EYA4: variants seen among roughly 807,000 people sequenced by gnomAD.
The protein encoded by EYA4 is EYA transcriptional coactivator and phosphatase 4.
In EYA4, 31 loss-of-function variants were observed where a neutral mutation model predicts 87.9. That is an observed-to-expected ratio of 0.35 (90% confidence interval 0.27 to 0.48). The LOEUF (loss-of-function observed/expected upper bound fraction) is 0.48. Among genes scored for constraint, EYA4 ranks in the 20% least tolerant of loss-of-function variants. EYA4 has a pLI of 0.99. For missense variants in EYA4, 678 were observed against 761.4 expected (o/e 0.89, Z 1.29); for synonymous variants, 263 against 270.6 (o/e 0.97, Z 0.28).
intron 2 of EYA4, among the ~76,000 whole-genome samples, chr6:133,381,109 G>T (rs1786181206): frequency 8.6e-6 from 1 of 115,852 alleles, no homozygotes; most frequent in African/African-American, 3.4e-5. Context: ...TCCATCTCAT[G>T]GTACTGATTA....
chr6:133,402,998 A>G (rs979910227), intron 3 of EYA4, among the ~76,000 whole-genome samples: 16 of 152,166 alleles, frequency 1.1e-4, no homozygotes, highest in African/African-American at 3.1e-4. Context: ...CGGTTTTATC[A>G]TGGGGCTAAT....
intron 2 of EYA4, among the ~76,000 whole-genome samples, chr6:133,286,283 T>A (rs1468551141): frequency 6.6e-6 from 1 of 152,224 alleles, no homozygotes; most frequent in Non-Finnish European, 1.5e-5. Flanking sequence ...TGTGAAATTT[T>A]ACTTTCTCTT....
chr6:133,525,002 C>T (rs763447959), intron 18 of EYA4, 152 bp from the exon 19 acceptor site: 1 of 1,604,598 alleles, frequency 6.2e-7, no homozygotes, highest in Non-Finnish European at 8.5e-7. Flanking sequence ...ATAAGCAGTG[C>T]ATTGTTTTTC....
chr6:133,372,192 T>TA (rs1785316768), intron 2 of EYA4, among the ~76,000 whole-genome samples: 1 of 152,158 alleles, frequency 6.6e-6, no homozygotes, highest in South Asian at 2.1e-4. Context: ...ACACAGTTAA[T>TA]GATGCTGTTT....
chr6:133,317,439 T>C (rs1047989881), intron 2 of EYA4, among the ~76,000 whole-genome samples: 4 of 152,216 alleles, frequency 2.6e-5, no homozygotes, highest in Non-Finnish European at 4.4e-5. Context: ...AACATACTTA[T>C]GATTTTATTA....
At chr6:133,284,711 A>G (rs1686249769) in intron 2 of EYA4, among the ~76,000 whole-genome samples, 1 of 152,180 alleles carries the variant, frequency 6.6e-6, no homozygotes, top group Non-Finnish European at 1.5e-5. Context: ...TTAAAACGAG[A>G]CTTGGATAGC....
intron 2 of EYA4, among the ~76,000 whole-genome samples, chr6:133,348,988 C>A (rs1262785045): frequency 6.6e-6 from 1 of 152,164 alleles, no homozygotes; most frequent in Non-Finnish European, 1.5e-5. Flanking sequence ...CTTAGTTGCA[C>A]CTTTGACATT....
At chr6:133,332,711 A>ATTTTTT (rs71003634) in intron 2 of EYA4, among the ~76,000 whole-genome samples, 1,431 of 124,636 alleles carry the variant, frequency 0.011, 28 homozygotes, top group South Asian at 0.031. Flanking sequence ...GCCCAGCTAA[A>ATTTTTT]TTTTTTTTTT....
chr6:133,269,007 C>T (rs1214728270), intron 1 of EYA4, among the ~76,000 whole-genome samples: 1 of 152,106 alleles, frequency 6.6e-6, no homozygotes, highest in Admixed American at 6.6e-5. Flanking sequence ...GCGTGTAATC[C>T]CAGCACTTTG....
chr6:133,474,020 C>G (rs1328720165), intron 11 of EYA4, among the ~76,000 whole-genome samples: 2 of 151,968 alleles, frequency 1.3e-5, no homozygotes, highest in Non-Finnish European at 2.9e-5. Flanking sequence ...AGTGGAGATA[C>G]TTCAGGGAAG....
At chr6:133,294,782 C>T (rs1344977060) in intron 2 of EYA4, among the ~76,000 whole-genome samples, 4 of 151,898 alleles carry the variant, frequency 2.6e-5, no homozygotes, top group South Asian at 4.2e-4. Flanking sequence ...GGTTTCACCA[C>T]GTTGGCCAGA....
At chr6:133,302,535 C>T (rs533608403) in intron 2 of EYA4, among the ~76,000 whole-genome samples, 2 of 152,276 alleles carry the variant, frequency 1.3e-5, no homozygotes, top group African/African-American at 4.8e-5. Context: ...TTGTTTATAG[C>T]AAACAATCCG....
intron 2 of EYA4, among the ~76,000 whole-genome samples, chr6:133,294,062 T>TATATATATATATATATAGAA (rs71003632): frequency 9.5e-6 from 1 of 105,162 alleles, no homozygotes; most frequent in Non-Finnish European, 2.1e-5. Context: ...TATATATATA[T>TATATATATATATATATAGAA]AATTCTATTC....
At chr6:133,497,685 C>CTGA (rs1797755078) in intron 13 of EYA4, among the ~76,000 whole-genome samples, 1 of 152,124 alleles carries the variant, frequency 6.6e-6, no homozygotes, top group African/African-American at 2.4e-5. Flanking sequence ...ATCATTTTAC[C>CTGA]TGATAACTTG....
In EYA4 at chr6:133,528,727, C is replaced by T. The variant is rs768961648; in HGVS notation, c.1842C>T (p.His614=). 1 of 1,611,254 alleles carries T rather than the reference C, an allele frequency of 6.2e-7. No homozygotes were observed. Among genetic ancestry groups the T allele is most frequent in the Non-Finnish European group, 8.5e-7 (1 of 1,177,570 alleles). ...CCCTCCTTCTCCTAACCACACAGCA[C>T]AACATGCCCTTCTGGAGGATATCCA... The part of the protein sequence containing the change: ...GVEEEQAAKK[H]NMPFWRISSH... The change falls in exon 20 of 20, where the codon CAC becomes CAT. Residue 614 remains histidine (H), a splice_region_variant and synonymous_variant. Coordinates refer to ENST00000355286, the MANE Select transcript of EYA4 (RefSeq NM_004100.5).
intron 2 of EYA4, among the ~76,000 whole-genome samples, chr6:133,304,062 A>C (rs1370949638): frequency 6.6e-6 from 1 of 152,148 alleles, no homozygotes; most frequent in African/African-American, 2.4e-5. Flanking sequence ...GAATGGATAG[A>C]TATTCCACTT....
intron 2 of EYA4, among the ~76,000 whole-genome samples, chr6:133,381,195 A>T (rs1399444592): frequency 1.4e-5 from 2 of 147,950 alleles, no homozygotes; most frequent in Non-Finnish European, 3.0e-5. Flanking sequence ...TTATTTTCAT[A>T]TTGTGTAAGT....
At chr6:133,427,059 A>C (rs779245066) in intron 3 of EYA4, among the ~76,000 whole-genome samples, 43 of 152,382 alleles carry the variant, frequency 2.8e-4, no homozygotes, top group East Asian at 1.9e-4. Flanking sequence ...AGGAAAGCCA[A>C]GGGCTGAGAC....
At chr6:133,387,026 AG>A (rs751570590) in intron 3 of EYA4, among the ~76,000 whole-genome samples, 44 of 152,316 alleles carry the variant, frequency 2.9e-4, no homozygotes, top group Non-Finnish European at 5.9e-4. Context: ...AATTATTAAG[AG>A]AAAGGCAAAA....
Sources: gnomAD v4.1 joint callset for allele counts (sites outside exome capture counted in the v4.1 genomes callset) on GRCh38, gnomAD v4.1.1 for gene constraint, MANE v1.5 for transcripts, NCBI Gene and HGNC (gene_info 2026-07-23, HGNC 2026-07-21) for gene names.